TAF1B: variants seen among roughly 807,000 people sequenced by gnomAD.
The protein encoded by TAF1B is TATA-box binding protein associated factor, RNA polymerase I subunit B.
A neutral mutation model predicts 83.9 loss-of-function variants in TAF1B; 61 were observed. That is an observed-to-expected ratio of 0.73 (90% confidence interval 0.59 to 0.90). The LOEUF (loss-of-function observed/expected upper bound fraction) is 0.90, where lower values mean the gene tolerates loss of function less well. Among genes scored for constraint, TAF1B ranks in the 40% least tolerant of loss-of-function variants. The probability of loss-of-function intolerance (pLI) is 0.00; values close to 1 mark genes in which losing one functional copy is unlikely to be tolerated. For synonymous variants in TAF1B, 221 were observed against 224.6 expected, an observed-to-expected ratio of 0.98 and a Z score of 0.14; for missense variants, 625 against 677.0, an observed-to-expected ratio of 0.92 and a Z score of 0.85.
intron 14 of TAF1B, among the ~76,000 whole-genome samples, chr2:9,932,553 A>T (rs1572301582): frequency 6.6e-6 from 1 of 152,146 alleles, no homozygotes; most frequent in Non-Finnish European, 1.5e-5. Flanking sequence ...GCTTTGTCCC[A>T]GGGGGCACCT....
At chr2:9,864,316 C>G (rs1329524650) in intron 5 of TAF1B, among the ~76,000 whole-genome samples, 1 of 151,868 alleles carries the variant, frequency 6.6e-6, no homozygotes, top group African/African-American at 2.4e-5. Flanking sequence ...AACACCTCTA[C>G]GCAAATAAAC....
At chr2:9,884,669 C>A (rs1258526129) in intron 8 of TAF1B, among the ~76,000 whole-genome samples, 1 of 152,144 alleles carries the variant, frequency 6.6e-6, no homozygotes, top group Non-Finnish European at 1.5e-5. Context: ...AGAGAGGAGG[C>A]CCTGGAGTAG....
Position 9,891,968 on chromosome 2 carries a change from G to A in TAF1B, c.807+9163G>A, listed in dbSNP as rs529330072. On this transcript the variant is annotated intron_variant, in intron 8 of 14. Transcript: ENST00000263663. ...AAAGCATATTTTTTATAAATTTTGT[G>A]TAGCCTAAGTGTACAGCATTTATGT... Among the ~76,000 whole-genome samples the A allele has an allele frequency of 2.6e-5, 4 of 152,284 alleles. No individual in the cohort carries two copies. The South Asian group carries it at 8.3e-4, about 32-fold the overall frequency.
chr2:9,907,552 A>G (rs1313757597), intron 9 of TAF1B, among the ~76,000 whole-genome samples: 1 of 152,030 alleles, frequency 6.6e-6, no homozygotes, highest in African/African-American at 2.4e-5. Flanking sequence ...GCTTTCGGCA[A>G]GTATGTCACA....
At chr2:9,926,069 A>G (rs1483796779) in intron 14 of TAF1B, among the ~76,000 whole-genome samples, 1 of 151,996 alleles carries the variant, frequency 6.6e-6, no homozygotes, top group Non-Finnish European at 1.5e-5. Context: ...CTGTCACTCA[A>G]TCTCAGCAAC....
chr2:9,863,360 A>G (rs1663846038), intron 5 of TAF1B, among the ~76,000 whole-genome samples: 2 of 152,266 alleles, frequency 1.3e-5, no homozygotes, highest in African/African-American at 2.4e-5. Context: ...TGGCCATTAC[A>G]TAATGGTAAA....
intron 11 of TAF1B, among the ~76,000 whole-genome samples, chr2:9,912,288 G>A (rs1485039894): frequency 6.6e-6 from 1 of 151,084 alleles, no homozygotes; most frequent in African/African-American, 2.4e-5. Flanking sequence ...TATCTTTAGT[G>A]CCTAACATAG....
rs1264127883 is a variant in TAF1B, at chr2:9,910,861, A to G, written c.1081A>G (p.Ile361Val). 1.9e-6 allele frequency: 3 copies of G among 1,613,396 alleles called. No individual in the cohort carries two copies. The highest frequency in any genetic ancestry group is 2.2e-5 in the East Asian group (1 of 44,848). The change falls in exon 10 of 15, where the codon ATC (isoleucine) becomes GTC (valine). Residue 361 changes from isoleucine (I) to valine (V), a missense_variant. Physicochemically the swap from Ile to Val is conservative, Grantham distance 29 (BLOSUM62 3). Coordinates refer to ENST00000263663, the MANE Select transcript of TAF1B (RefSeq NM_005680.3). ...TVKYDVQAVAIIVVVLKLLFL... is the reference protein window; with the variant it reads ...TVKYDVQAVAVIVVVLKLLFL... ...TAAGTACGATGTACAAGCTGTAGCT[A>G]TCATTGTGGTGGTATTGAAACTGCT...
chr2:9,906,880 CT>C (rs1665360823), intron 9 of TAF1B, among the ~76,000 whole-genome samples: 2 of 152,006 alleles, frequency 1.3e-5, no homozygotes, highest in Admixed American at 6.6e-5. Flanking sequence ...GTGCAATAAG[CT>C]TTTGCGATTT....
At chr2:9,884,079 T>TG (rs1269344031) in intron 8 of TAF1B, among the ~76,000 whole-genome samples, 2 of 152,342 alleles carry the variant, frequency 1.3e-5, no homozygotes, top group East Asian at 3.9e-4. Flanking sequence ...TGAGCAAGCA[T>TG]GGGGTCTGGC....
Position 9,904,947 on chromosome 2 carries a change from A to T in TAF1B, c.896A>T (p.Asp299Val). ...CCTCGTTTTCCAGACATAACTGAAG[A>T]CTGCTATCTTCATCCCAACATACTG... ...DLPRFPDITE[D>V]CYLHPNILCM... is the part of the protein sequence containing the mutation. The change falls in exon 9 of 15, where the codon GAC becomes GTC. Residue 299 changes from aspartate to valine, a missense_variant. Physicochemically the swap from Asp to Val is radical, Grantham distance 152. Coordinates refer to ENST00000263663, the MANE Select transcript of TAF1B (RefSeq NM_005680.3). 5 of 1,612,776 alleles carry T rather than the reference A, an allele frequency of 3.1e-6. No individual in the cohort carries two copies. Among genetic ancestry groups the T allele is most frequent in the Non-Finnish European group, 4.2e-6 (5 of 1,178,814 alleles).
At chr2:9,856,495 G>A (rs554027854) in intron 5 of TAF1B, among the ~76,000 whole-genome samples, 45 of 152,120 alleles carry the variant, frequency 3.0e-4, no homozygotes, top group African/African-American at 8.0e-4. Context: ...CAAGAAAATC[G>A]GAAGATGCTA....
intron 5 of TAF1B, among the ~76,000 whole-genome samples, chr2:9,856,954 T>G (rs1363198240): frequency 6.6e-6 from 1 of 152,212 alleles, no homozygotes; most frequent in African/African-American, 2.4e-5. Flanking sequence ...TGGAGATAAC[T>G]GTTTTGAGAA....
chr2:9,922,246 C>G (rs1455356943), intron 14 of TAF1B, among the ~76,000 whole-genome samples: 1 of 152,142 alleles, frequency 6.6e-6, no homozygotes, highest in Non-Finnish European at 1.5e-5. Flanking sequence ...TTCTCAAAAC[C>G]TTCAGTGGCT....
chr2:9,895,966 T>C (rs570531899), intron 8 of TAF1B, among the ~76,000 whole-genome samples: 1 of 152,286 alleles, frequency 6.6e-6, no homozygotes, highest in African/African-American at 2.4e-5. Flanking sequence ...CGAAGGAAAG[T>C]AAACTCGCTG....
Position 9,845,224 on chromosome 2 carries a change from A to G in TAF1B, c.23A>G (p.Glu8Gly), listed in dbSNP as rs1663166582. The G allele has an allele frequency of 4.3e-6, 7 of 1,613,216 alleles. No homozygotes were observed. The highest frequency in any genetic ancestry group is 5.9e-6 in the Non-Finnish European group (7 of 1,179,400). Residue 8 changes from glutamate to glycine, a missense_variant, in exon 2 of 15, where the codon GAG (glutamate) becomes GGG (glycine). Physicochemically the swap from Glu to Gly is moderately conservative, Grantham distance 98 (BLOSUM62 -2). Transcript: ENST00000263663. MDLEEAE[E>G]FKERCTQCAA... ...TTCTGTCCTCTTCTCCCATAGGAAG[A>G]GTTTAAAGAACGCTGTACTCAGTGT...
chr2:9,930,225 A>C (rs1456885257), intron 14 of TAF1B, among the ~76,000 whole-genome samples: 1 of 150,904 alleles, frequency 6.6e-6, no homozygotes, highest in Non-Finnish European at 1.5e-5. Context: ...CTAGCTTTTG[A>C]ATTTGTTTGC....
At position 9,920,583 on chromosome 2, in the gene TAF1B, G is replaced by GGT. The variant is rs1665846336; in HGVS notation, c.1565+764_1565+765insTG. ...TATGGCGTCTGTAGACTGGGGCGGGGGGCGGGGGGTCCATTTGCCCCTCAG... is the reference window on the plus strand; with the variant it reads ...TATGGCGTCTGTAGACTGGGGCGGGGGTGGCGGGGGGTCCATTTGCCCCTCAG... On this transcript the variant is annotated intron_variant, in intron 14 of 14. Transcript: ENST00000263663. Among the ~76,000 whole-genome samples the GGT allele has an allele frequency of 1.7e-5, 2 of 119,858 alleles. 1 individual carries two copies. Among genetic ancestry groups the GGT allele is most frequent in the Non-Finnish European group, 3.3e-5 (2 of 59,980 alleles). 78.6% of individuals were successfully genotyped at this position (119,858 alleles called of 152,430 possible).
chr2:9,876,318 A>G (rs1324178289), intron 7 of TAF1B, among the ~76,000 whole-genome samples: 1 of 152,240 alleles, frequency 6.6e-6, no homozygotes, highest in Non-Finnish European at 1.5e-5. Context: ...GAGTAATATT[A>G]GTAAATATTT....
Sources: gnomAD v4.1 joint callset for allele counts (sites outside exome capture counted in the v4.1 genomes callset) on GRCh38, gnomAD v4.1.1 for gene constraint, MANE v1.5 for transcripts, NCBI Gene and HGNC (gene_info 2026-07-23, HGNC 2026-07-21) for gene names.